Variants in GRID2 observed in about 807,000 individuals in gnomAD.
The protein encoded by GRID2 is glutamate ionotropic receptor delta type subunit 2, also known as glutamate receptor ionotropic, delta-2.
A neutral mutation model predicts 114.8 loss-of-function variants in GRID2; 33 were observed. The observed-to-expected ratio is 0.29, with a 90% CI of 0.22 to 0.38. GRID2 has a LOEUF of 0.38. Among genes scored for constraint, GRID2 ranks in the 10% least tolerant of loss-of-function variants. The probability of loss-of-function intolerance (pLI) is 1.00; values close to 1 mark genes in which losing one functional copy is unlikely to be tolerated. For synonymous variants in GRID2, 505 were observed against 449.9 expected (o/e 1.12, Z -1.55); for missense variants, 1,184 against 1,257.7 (o/e 0.94, Z 0.89).
chr4:93,604,086 G>T lies in GRID2; in HGVS notation c.2194-22183G>T, dbSNP rs6822199. 2.9e-3 allele frequency among the ~76,000 whole-genome samples: 435 copies of T among 152,302 alleles called. 2 individuals are homozygous for T. Among genetic ancestry groups the T allele is most frequent in the African/African-American group, 9.7e-3 (405 of 41,564 alleles). On this transcript the variant is annotated intron_variant, in intron 13 of 15. Transcript: ENST00000282020. ...AAATATATTTTATAAGGCCATAGCT[G>T]CCATGTAAGTGATTTTTATGATGAA...
intron 8 of GRID2, among the ~76,000 whole-genome samples, chr4:93,394,266 T>C (rs1040702367): frequency 3.6e-4 from 55 of 152,116 alleles, no homozygotes; most frequent in Non-Finnish European, 5.5e-4. Context: ...GCTTTTTATG[T>C]AACTAAGAAT....
chr4:92,944,063 C>T (rs1269819961), intron 2 of GRID2, among the ~76,000 whole-genome samples: 1 of 152,170 alleles, frequency 6.6e-6, no homozygotes, highest in East Asian at 1.9e-4. Flanking sequence ...TCTGTCCATT[C>T]TCAGATCTCC....
rs1365826403 is a variant in GRID2 at position 93,392,010 on chromosome 4, TGAAAG to T, written c.1246-3592_1246-3588del. ...CTATAGAAAATCAATATACTGTAAT[TGAAAG>T]GAAATTGAATTGGGTTTACTTTTTT... On this transcript the variant is annotated intron_variant, in intron 8 of 15. Coordinates refer to ENST00000282020, the MANE Select transcript of GRID2 (RefSeq NM_001510.4). 7.9e-5 allele frequency among the ~76,000 whole-genome samples: 12 copies of T among 152,246 alleles called. No homozygotes were observed. The South Asian group carries it at 1.0e-3, about 13-fold the overall frequency.
intron 2 of GRID2, among the ~76,000 whole-genome samples, chr4:92,847,284 A>G (rs947299713): frequency 2.0e-5 from 3 of 152,040 alleles, no homozygotes; most frequent in African/African-American, 4.8e-5. Flanking sequence ...AAACTGCAGA[A>G]TCTCAACCCC....
At chr4:92,967,540 T>G (rs1753233285) in intron 2 of GRID2, among the ~76,000 whole-genome samples, 1 of 151,796 alleles carries the variant, frequency 6.6e-6, no homozygotes, top group Admixed American at 6.6e-5. Context: ...GAATCATTAA[T>G]TCTAGGAAAT....
intron 2 of GRID2, among the ~76,000 whole-genome samples, chr4:92,976,585 T>C (rs1323450269): frequency 6.6e-6 from 1 of 152,124 alleles, no homozygotes; most frequent in Non-Finnish European, 1.5e-5. Flanking sequence ...GGCACACTAT[T>C]CCCACTTCCC....
chr4:93,222,931 ATACC>A (rs1745063721), intron 6 of GRID2, among the ~76,000 whole-genome samples: 1 of 152,148 alleles, frequency 6.6e-6, no homozygotes, highest in Admixed American at 6.6e-5. Flanking sequence ...TCCATCAATG[ATACC>A]CCAACAATCT....
At chr4:93,103,305 A>G (rs923830317) in intron 3 of GRID2, among the ~76,000 whole-genome samples, 10 of 151,944 alleles carry the variant, frequency 6.6e-5, no homozygotes, top group Admixed American at 5.2e-4. Flanking sequence ...GCACAGTGTT[A>G]TTCCCGAGAG....
At chr4:93,213,455 G>T (rs1367696275) in intron 5 of GRID2, among the ~76,000 whole-genome samples, 1 of 151,878 alleles carries the variant, frequency 6.6e-6, no homozygotes, top group Non-Finnish European at 1.5e-5. Context: ...AAAATTTCAG[G>T]TATAAGTCTT....
intron 8 of GRID2, among the ~76,000 whole-genome samples, chr4:93,260,118 GAAGTGTGTTATAAA>G (rs976987901): frequency 6.6e-6 from 1 of 151,574 alleles, no homozygotes; most frequent in African/African-American, 2.4e-5. Flanking sequence ...GCTTATTTTG[GAAGTGTGTTATAAA>G]AACCATTGAT....
intron 8 of GRID2, among the ~76,000 whole-genome samples, chr4:93,273,470 CAAA>C (rs11338075): frequency 2.0e-5 from 3 of 150,932 alleles, no homozygotes; most frequent in Non-Finnish European, 3.0e-5. Flanking sequence ...TCCCCCCCCC[CAAA>C]AAATATCCAT....
At chr4:93,334,797 G>A (rs1758861419) in intron 8 of GRID2, among the ~76,000 whole-genome samples, 1 of 152,144 alleles carries the variant, frequency 6.6e-6, no homozygotes, top group African/African-American at 2.4e-5. Context: ...CGGGCGTGGT[G>A]GTGCATGCCT....
At chr4:93,630,963 C>G (rs950353567) in intron 14 of GRID2, among the ~76,000 whole-genome samples, 1 of 152,168 alleles carries the variant, frequency 6.6e-6, no homozygotes, top group Admixed American at 6.5e-5. Context: ...ATATGCTAGA[C>G]TCTCAGCTAC....
chr4:92,480,714 T>C (rs1722546406), intron 1 of GRID2, among the ~76,000 whole-genome samples: 1 of 152,162 alleles, frequency 6.6e-6, no homozygotes, highest in African/African-American at 2.4e-5. Context: ...CTTAATTGCA[T>C]CTGCAAGTAC....
chr4:92,981,588 G>T (rs777209601), intron 2 of GRID2, among the ~76,000 whole-genome samples: 1 of 152,058 alleles, frequency 6.6e-6, no homozygotes, highest in East Asian at 1.9e-4. Flanking sequence ...TGGATTAAAA[G>T]TTAATGCAGT....
At chr4:92,815,483 C>T (rs1230400049) in intron 2 of GRID2, among the ~76,000 whole-genome samples, 1 of 152,032 alleles carries the variant, frequency 6.6e-6, no homozygotes, top group Non-Finnish European at 1.5e-5. Context: ...AAGGATTATG[C>T]CACACATTGA....
At chr4:93,539,870 A>C (rs1732477724) in intron 13 of GRID2, among the ~76,000 whole-genome samples, 1 of 151,886 alleles carries the variant, frequency 6.6e-6, no homozygotes, top group African/African-American at 2.4e-5. Context: ...TGTGTTCTGA[A>C]ATTTTACTGA....
chr4:92,743,338 G>T (rs777371502), intron 2 of GRID2, among the ~76,000 whole-genome samples: 1 of 151,990 alleles, frequency 6.6e-6, no homozygotes, highest in Admixed American at 6.6e-5. Flanking sequence ...GTTGTTATAG[G>T]CCATTATATT....
At position 93,297,342 on chromosome 4, in the gene GRID2, G is replaced by A. The variant is rs1298133112; in HGVS notation, c.1245+58852G>A. Among the ~76,000 whole-genome samples the A allele has an allele frequency of 4.6e-5, 7 of 152,172 alleles. No homozygotes were observed. In the East Asian group the frequency reaches 1.4e-3, roughly 29 times the overall value. On this transcript the variant is annotated intron_variant, in intron 8 of 15. Transcript: ENST00000282020. The stretch of plus-strand genomic sequence containing the variant: ...GTTTATTATTCTATCGCCATTAAAG[G>A]CATTTATAAGCATCATAATTTTTAA...
Sources: allele counts gnomAD v4.1 joint callset (sites outside exome capture counted in the v4.1 genomes callset), GRCh38; gene constraint gnomAD v4.1.1; transcripts MANE v1.5; gene names NCBI Gene and HGNC (gene_info 2026-07-23, HGNC 2026-07-21).